Variants in IFT140 observed in about 807,000 individuals in gnomAD.
IFT140 encodes intraflagellar transport protein 140 homolog.
A neutral mutation model predicts 164.6 loss-of-function variants in IFT140; 133 were observed. That is an observed-to-expected ratio of 0.81 (90% CI 0.70 to 0.93). IFT140 has a LOEUF of 0.93. IFT140 is among the 40% of genes least tolerant of loss of function. The pLI is 0.00. For synonymous variants in IFT140, 860 were observed against 817.3 expected (o/e 1.05, Z -0.89); for missense variants, 2,045 against 1,972.3 (o/e 1.04, Z -0.70).
intron 19 of IFT140, among the ~76,000 whole-genome samples, chr16:1,547,616 A>G (rs1447525557): frequency 6.6e-6 from 1 of 152,124 alleles, no homozygotes; most frequent in African/African-American, 2.4e-5. Flanking sequence ...GGTTCAATAT[A>G]AGTTCCGCCT....
At chr16:1,587,105 G>T in intron 9 of IFT140, 93 bp downstream of exon 9, 1 of 811,574 alleles carries the variant, frequency 1.2e-6, no homozygotes. Context: ...CATTGTGTGA[G>T]TAGCCTCCAC....
chr16:1,562,328 C>T (rs954821702), intron 17 of IFT140, among the ~76,000 whole-genome samples: 1 of 152,100 alleles, frequency 6.6e-6, no homozygotes, highest in African/African-American at 2.4e-5. Context: ...GGACGCACCT[C>T]GTCCAGCTTG....
At chr16:1,544,328 C>T (rs1038012580) in intron 19 of IFT140, among the ~76,000 whole-genome samples, 10 of 151,910 alleles carry the variant, frequency 6.6e-5, no homozygotes, top group African/African-American at 2.2e-4. Context: ...GGACTACAGG[C>T]GCCCGCCACC....
At chr16:1,606,175 T>G (rs2036050915) in intron 3 of IFT140, among the ~76,000 whole-genome samples, 1 of 152,228 alleles carries the variant, frequency 6.6e-6, no homozygotes, top group Non-Finnish European at 1.5e-5. Context: ...TTCCTGTTGT[T>G]TAAAGCCACC....
At chr16:1,575,040 G>A (rs986435231) in intron 13 of IFT140, among the ~76,000 whole-genome samples, 4 of 152,166 alleles carry the variant, frequency 2.6e-5, no homozygotes, top group African/African-American at 9.7e-5. Flanking sequence ...CACCTTACTA[G>A]TTACAACTGA....
intron 19 of IFT140, among the ~76,000 whole-genome samples, chr16:1,530,131 A>ATTTTTTTTTTTTTT (rs2030295926): frequency 7.9e-6 from 1 of 126,538 alleles, no homozygotes. Context: ...CACGACGGGA[A>ATTTTTTTTTTTTTT]TCTTTTTTTT....
At chr16:1,512,368 G>A (rs142463786) in intron 30 of IFT140, among the ~76,000 whole-genome samples, 281 of 152,236 alleles carry the variant, frequency 1.8e-3, no homozygotes, top group Non-Finnish European at 2.7e-3. Flanking sequence ...TATAGGAGCT[G>A]TGGCCTGGGT....
At chr16:1,542,978 G>A (rs2031791224) in intron 19 of IFT140, among the ~76,000 whole-genome samples, 1 of 152,258 alleles carries the variant, frequency 6.6e-6, no homozygotes, top group Non-Finnish European at 1.5e-5. Flanking sequence ...TTGAGCCACA[G>A]CAGTGTCCAG....
At chr16:1,582,316 A>G (rs1198235167) in intron 12 of IFT140, among the ~76,000 whole-genome samples, 1 of 152,202 alleles carries the variant, frequency 6.6e-6, no homozygotes, top group Non-Finnish European at 1.5e-5. Context: ...ATTTCAGACC[A>G]GGGGCAATGT....
At chr16:1,605,508 C>A (rs554180017) in intron 3 of IFT140, among the ~76,000 whole-genome samples, 1 of 152,230 alleles carries the variant, frequency 6.6e-6, no homozygotes, top group South Asian at 2.1e-4. Flanking sequence ...TGGGTTCATG[C>A]CATTCTCCTG....
chr16:1,511,171 T>G (rs1431169498), intron 30 of IFT140, 21 bp from the exon 31 acceptor site: 1 of 1,581,124 alleles, frequency 6.3e-7, no homozygotes, highest in Non-Finnish European at 8.6e-7. Context: ...GGAGCAGACA[T>G]TACTCAGCTT....
intron 14 of IFT140, among the ~76,000 whole-genome samples, chr16:1,570,044 C>T (rs1420491652): frequency 2.0e-5 from 3 of 152,190 alleles, no homozygotes; most frequent in African/African-American, 7.2e-5. Context: ...ACCCTGCCAT[C>T]TTTATGAGGT....
At chr16:1,557,367 G>A (rs998530957) in intron 19 of IFT140, among the ~76,000 whole-genome samples, 1 of 152,206 alleles carries the variant, frequency 6.6e-6, no homozygotes, top group African/African-American at 2.4e-5. Context: ...TGTGTGACAG[G>A]CATTATCACT....
chr16:1,589,538 TCAA>T, intron 7 of IFT140, 64 bp downstream of exon 7: 1 of 1,527,452 alleles, frequency 6.5e-7, no homozygotes, highest in South Asian at 1.2e-5. Context: ...GAAAGGGCCG[TCAA>T]CGAGGCCAGA....
chr16:1,549,028 C>T (rs977168435), intron 19 of IFT140, among the ~76,000 whole-genome samples: 3 of 152,254 alleles, frequency 2.0e-5, no homozygotes. Context: ...TCTCCAGCAG[C>T]GGTGCCCCTG....
chr16:1,527,269 C>G (rs933062890), intron 19 of IFT140, among the ~76,000 whole-genome samples: 1 of 152,170 alleles, frequency 6.6e-6, no homozygotes, highest in African/African-American at 2.4e-5. Flanking sequence ...GCCTGGGGGA[C>G]GGGGTACAGG....
intron 19 of IFT140, among the ~76,000 whole-genome samples, chr16:1,529,512 T>A (rs1307253591): frequency 6.6e-6 from 1 of 152,250 alleles, no homozygotes; most frequent in Non-Finnish European, 1.5e-5. Context: ...CGCAGCGTCC[T>A]GATCTCCGAT....
intron 30 of IFT140, among the ~76,000 whole-genome samples, chr16:1,513,918 C>G (rs1051943386): frequency 2.0e-5 from 3 of 148,614 alleles, no homozygotes; most frequent in Non-Finnish European, 3.0e-5. Flanking sequence ...CATGATCTGC[C>G]CGCCTTGGCC....
At chr16:1,554,631 G>T (rs2032942504) in intron 19 of IFT140, 1 of 1,201,002 alleles carries the variant, frequency 8.3e-7, no homozygotes. Context: ...AGAGGGCTGG[G>T]GAAGGATAAA....
Sources: gnomAD v4.1 joint callset for allele counts (sites outside exome capture counted in the v4.1 genomes callset) on GRCh38, gnomAD v4.1.1 for gene constraint, MANE v1.5 for transcripts, NCBI Gene and HGNC (gene_info 2026-07-23, HGNC 2026-07-21) for gene names.